The following TANC1 variants were observed in gnomAD, a reference collection of about 807,000 sequenced individuals.
TANC1 encodes the protein tetratricopeptide repeat, ankyrin repeat and coiled-coil containing 1.
TANC1 carries 77 observed loss-of-function variants against 149.7 expected under a neutral mutation model. The observed-to-expected ratio is 0.51, with a 90% CI of 0.43 to 0.62. The LOEUF is 0.62. Ranked by LOEUF, TANC1 falls within the 20% of genes least tolerant of loss-of-function variation. The probability of loss-of-function intolerance (pLI) is 0.00; values close to 1 mark genes in which losing one functional copy is unlikely to be tolerated. For missense variants in TANC1, 1,985 were observed against 2,321.8 expected (o/e 0.85, Z 2.98); for synonymous variants, 854 against 925.0 (o/e 0.92, Z 1.39).
intron 3 of TANC1, among the ~76,000 whole-genome samples, chr2:159,069,484 C>T (rs538711294): frequency 4.6e-5 from 7 of 152,094 alleles, no homozygotes; most frequent in African/African-American, 1.7e-4. Context: ...ACCTTTACCA[C>T]GTTTCTTAAT....
At chr2:159,142,659 G>A (rs2051503912) in intron 5 of TANC1, among the ~76,000 whole-genome samples, 1 of 151,872 alleles carries the variant, frequency 6.6e-6, no homozygotes, top group Non-Finnish European at 1.5e-5. Context: ...TTTTAAAATG[G>A]AATATTGTTT....
chr2:159,058,397 G>T lies in TANC1; in HGVS notation c.-15-7499G>T, dbSNP rs188456889. Among the ~76,000 whole-genome samples, 297 of 152,242 alleles carry T rather than the reference G, an allele frequency of 2.0e-3. 2 individuals carry two copies. The highest frequency in any genetic ancestry group is 9.7e-4 in the East Asian group (5 of 5,178). On this transcript the variant is annotated intron_variant, in intron 2 of 26. Transcript: ENST00000263635. ...CTTAAATTATTAGTCCAAACTCCTT[G>T]TTGGAAGAGAATTGCCGTTGATTTT...
At chr2:158,978,137 G>A (rs1303323871) in intron 1 of TANC1, among the ~76,000 whole-genome samples, 1 of 152,114 alleles carries the variant, frequency 6.6e-6, no homozygotes, top group African/African-American at 2.4e-5. Context: ...ATGGTAGGGG[G>A]TCCTGTCTTA....
intron 5 of TANC1, among the ~76,000 whole-genome samples, chr2:159,140,347 G>A (rs947627569): frequency 3.3e-5 from 5 of 152,078 alleles, no homozygotes; most frequent in African/African-American, 1.2e-4. Flanking sequence ...TCTTAGAATG[G>A]CAGTGCAACA....
At chr2:159,081,167 GAGGATTATCTTC>G (rs2149791131) in intron 3 of TANC1, among the ~76,000 whole-genome samples, 1 of 152,340 alleles carries the variant, frequency 6.6e-6, no homozygotes, top group African/African-American at 2.4e-5. Context: ...CAGTAAGAGG[GAGGATTATCTTC>G]AGGAGAAGAC....
chr2:159,027,590 C>G (rs1245585161), intron 2 of TANC1, among the ~76,000 whole-genome samples: 3 of 152,186 alleles, frequency 2.0e-5, no homozygotes, highest in African/African-American at 7.2e-5. Context: ...TCAGAATCTC[C>G]CCTAATGCTC....
At chr2:159,149,414 A>G in intron 6 of TANC1, 142 bp downstream of exon 6, 1 of 1,297,652 alleles carries the variant, frequency 7.7e-7, no homozygotes, top group Non-Finnish European at 1.1e-6. Context: ...ATTTATTTCA[A>G]CAGTTTGGTT....
intron 4 of TANC1, among the ~76,000 whole-genome samples, chr2:159,127,281 C>A (rs1035464249): frequency 6.6e-5 from 10 of 152,154 alleles, no homozygotes; most frequent in Non-Finnish European, 1.2e-4. Context: ...TCATGTCAGT[C>A]GGAATGGCGG....
Position 159,217,477 on chromosome 2 carries a change from T to G in TANC1, c.3245-20T>G. On this transcript the variant is annotated intron_variant, in intron 19 of 26. Transcript: ENST00000263635. ...TCCACCACATGCTAACAGATTCCCC[T>G]CCATGTGACTTTCCTTTAGCCCTGA... The G allele has an allele frequency of 1.2e-6, 2 of 1,613,976 alleles. No homozygotes were observed. The highest frequency in any genetic ancestry group is 1.7e-6 in the Non-Finnish European group (2 of 1,179,938).
chr2:159,172,074 C>G, intron 10 of TANC1, 47 bp from the exon 11 acceptor site: 2 of 1,573,978 alleles, frequency 1.3e-6, no homozygotes, highest in Non-Finnish European at 1.7e-6. Flanking sequence ...AATACCACAC[C>G]CTGCTCCTAC....
intron 25 of TANC1, chr2:159,228,384 A>G: frequency 3.9e-6 from 1 of 256,284 alleles, no homozygotes; most frequent in Admixed American, 5.0e-5. Context: ...GGGAACTCAT[A>G]GTCGATTTGT....
At chr2:158,975,392 C>A (rs969848198) in intron 1 of TANC1, among the ~76,000 whole-genome samples, 5 of 151,974 alleles carry the variant, frequency 3.3e-5, no homozygotes, top group African/African-American at 1.2e-4. Flanking sequence ...GTCCCCTGCC[C>A]CAGGGAGTGA....
intron 13 of TANC1, 35 bp downstream of exon 13, chr2:159,176,553 C>T: frequency 6.6e-7 from 1 of 1,518,494 alleles, no homozygotes; most frequent in Non-Finnish European, 9.0e-7. Context: ...CTCCAAGTCC[C>T]CATTCCAATT....
chr2:159,060,527 T>G (rs2042163548), intron 2 of TANC1, among the ~76,000 whole-genome samples: 1 of 152,240 alleles, frequency 6.6e-6, no homozygotes, highest in Admixed American at 6.5e-5. Context: ...AGTGTGAATA[T>G]ATAGGAATAT....
At chr2:159,128,615 C>G (rs1224210900) in intron 4 of TANC1, among the ~76,000 whole-genome samples, 2 of 152,112 alleles carry the variant, frequency 1.3e-5, no homozygotes, top group Non-Finnish European at 1.5e-5. Context: ...TTCTGTCCCC[C>G]GAGCCGTGCC....
In TANC1 at chr2:159,097,843, G is replaced by A; in HGVS notation, c.259+9G>A. On this transcript the variant is annotated intron_variant, in intron 4 of 26. Coordinates refer to ENST00000263635, the MANE Select transcript of TANC1 (RefSeq NM_033394.3). ...GAACAAAAAATCCCCAGGTAAACAG[G>A]CAATGAAGGAGCTGCCTTGGTTATA... 1 of 1,608,578 alleles carries A rather than the reference G, an allele frequency of 6.2e-7. No homozygotes were observed. The highest frequency in any genetic ancestry group is 8.5e-7 in the Non-Finnish European group (1 of 1,176,576).
intron 6 of TANC1, chr2:159,150,016 A>C (rs1490168887): frequency 5.1e-6 from 1 of 194,338 alleles, no homozygotes; most frequent in African/African-American, 2.4e-5. Flanking sequence ...CAAATAACCC[A>C]TTTGTCTTCT....
intron 17 of TANC1, 137 bp downstream of exon 17, chr2:159,194,630 G>C: frequency 1.3e-6 from 1 of 766,856 alleles, no homozygotes; most frequent in East Asian, 2.6e-5. Context: ...TCCAGGGATT[G>C]GTCACTTTGT....
chr2:159,093,680 A>C (rs1024253211), intron 3 of TANC1, among the ~76,000 whole-genome samples: 2 of 135,992 alleles, frequency 1.5e-5, no homozygotes, highest in African/African-American at 5.0e-5. Context: ...CAAACAGAAC[A>C]ACATGTTTGA....
Sources: allele counts gnomAD v4.1 joint callset (sites outside exome capture counted in the v4.1 genomes callset), GRCh38; gene constraint gnomAD v4.1.1; transcripts MANE v1.5; gene names NCBI Gene and HGNC (gene_info 2026-07-23, HGNC 2026-07-21).